The following SLC17A6 variants were observed in gnomAD, a reference collection of about 807,000 sequenced individuals.
SLC17A6 encodes vesicular glutamate transporter 2.
SLC17A6 carries 35 observed loss-of-function variants against 67.1 expected under a neutral mutation model. That is an observed-to-expected ratio of 0.52 (90% confidence interval 0.40 to 0.69). SLC17A6 has a LOEUF of 0.69. Ranked by LOEUF, SLC17A6 falls within the 30% of genes least tolerant of loss-of-function variation. The probability of loss-of-function intolerance (pLI) is 0.00; values close to 1 mark genes in which losing one functional copy is unlikely to be tolerated. For missense variants in SLC17A6, 588 were observed against 723.9 expected (o/e 0.81, Z 2.15); for synonymous variants, 285 against 252.3 (o/e 1.13, Z -1.23).
chr11:22,376,662 C>T lies in SLC17A6; in HGVS notation c.1403C>T (p.Thr468Ile). The T allele has an allele frequency of 6.2e-7, 1 of 1,613,614 alleles. No homozygotes were observed. The highest frequency in any genetic ancestry group is 1.1e-5 in the South Asian group (1 of 91,058). Residue 468 changes from threonine to isoleucine, a missense_variant, in exon 11 of 12, where the codon ACA becomes ATA. This residue lies in a region of SLC17A6 where 414 missense variants were observed against 563.4 expected (regional missense o/e 0.73). Transcript: ENST00000263160. Reference protein sequence around the residue: ...MVCPIIVGAMTKNKSREEWQY... With the variant: ...MVCPIIVGAMIKNKSREEWQY... ...TGTCCTATCATTGTTGGTGCAATGA[C>T]AAAGAATAAGGTAAGATGGTCAAAA...
At chr11:22,347,272 C>T (rs1855888276) in intron 3 of SLC17A6, among the ~76,000 whole-genome samples, 1 of 151,896 alleles carries the variant, frequency 6.6e-6, no homozygotes, top group Admixed American at 6.6e-5. Context: ...GATTTAGGCT[C>T]TAAAGCCAAA....
chr11:22,368,158 A>G (rs759541284), intron 7 of SLC17A6, among the ~76,000 whole-genome samples: 32 of 152,108 alleles, frequency 2.1e-4, no homozygotes, highest in African/African-American at 7.2e-4. Context: ...TCACTATCTC[A>G]GTACTACTAT....
intron 8 of SLC17A6, among the ~76,000 whole-genome samples, chr11:22,373,237 T>A (rs928015123): frequency 1.3e-5 from 2 of 152,204 alleles, no homozygotes; most frequent in African/African-American, 4.8e-5. Flanking sequence ...GTCGTTTATG[T>A]GGACTTAGGC....
rs528348599 is a variant in SLC17A6 at position 22,338,709 on chromosome 11, T to G, written c.86+90T>G. On this transcript the variant is annotated intron_variant, in intron 1 of 11. Coordinates refer to ENST00000263160, the MANE Select transcript of SLC17A6 (RefSeq NM_020346.3). ...GTAAACCCTGGTGGCTCAGAAAGAT[T>G]GTAATATGATCGGAAAGTCTTTTTG... 11 of 937,574 alleles carry G rather than the reference T, an allele frequency of 1.2e-5. No homozygotes were observed. The African/African-American group carries it at 1.3e-4, about 11-fold the overall frequency. The allele number at this position is 937,574 out of a possible 1,614,324, so 58.1% of individuals were successfully genotyped here. A position where few individuals can be genotyped will look rare whatever the true frequency, so the allele number is the denominator to read the frequency against.
intron 3 of SLC17A6, among the ~76,000 whole-genome samples, chr11:22,350,976 T>G (rs1855931386): frequency 6.6e-6 from 1 of 152,126 alleles, no homozygotes; most frequent in Non-Finnish European, 1.5e-5. Context: ...TGATATTATA[T>G]AAAACTTACT....
Position 22,378,643 on chromosome 11 carries a change from C to T in SLC17A6, c.*903C>T, listed in dbSNP as rs2133881721. 6.6e-6 allele frequency: 1 copy of T among 151,976 alleles called. No individual in the cohort carries two copies. The highest frequency in any genetic ancestry group is 1.9e-4 in the East Asian group (1 of 5,160). 9.4% of individuals were successfully genotyped at this position (151,976 alleles called of 1,614,324 possible). A position where few individuals can be genotyped will look rare whatever the true frequency, so the allele number is the denominator to read the frequency against. On this transcript the variant is annotated 3_prime_UTR_variant, in exon 12 of 12. Coordinates refer to ENST00000263160, the MANE Select transcript of SLC17A6 (RefSeq NM_020346.3). The stretch of plus-strand genomic sequence containing the variant: ...AGCCCTTAAAATGCAATATTAAGAA[C>T]AAAGAAATAGAAAATGGTTTAGATA...
rs1856268727 is a variant in SLC17A6 at position 22,379,157 on chromosome 11, A to C, written c.*1417A>C. 1 of 152,572 alleles carries C rather than the reference A, an allele frequency of 6.6e-6. No homozygotes were observed. The highest frequency in any genetic ancestry group is 2.1e-4 in the South Asian group (1 of 4,826). 9.5% of individuals were successfully genotyped at this position (152,572 alleles called of 1,614,324 possible). A position where few individuals can be genotyped will look rare whatever the true frequency, so the allele number is the denominator to read the frequency against. ...GAATAATTTTATTTTTCTTTTAAAA[A>C]AGCTAACATCAGACCCCTTTATAAT... On this transcript the variant is annotated 3_prime_UTR_variant, in exon 12 of 12. Transcript: ENST00000263160.
At chr11:22,373,597 T>C (rs1856197990) in intron 8 of SLC17A6, among the ~76,000 whole-genome samples, 1 of 152,216 alleles carries the variant, frequency 6.6e-6, no homozygotes, top group Non-Finnish European at 1.5e-5. Context: ...TTCCTTCTCA[T>C]GGCAGTGGTG....
chr11:22,352,804 T>A (rs1015828151), intron 3 of SLC17A6, among the ~76,000 whole-genome samples: 1 of 152,192 alleles, frequency 6.6e-6, no homozygotes, highest in Admixed American at 6.5e-5. Flanking sequence ...GGAAGGACAC[T>A]GAGACAGTTA....
chr11:22,373,923 C>T (rs1856201679), intron 8 of SLC17A6, among the ~76,000 whole-genome samples: 1 of 152,148 alleles, frequency 6.6e-6, no homozygotes, highest in Admixed American at 6.5e-5. Context: ...TACTTAAACA[C>T]AAATTATGAA....
rs1856250248 is a variant in SLC17A6, at chr11:22,377,940, A to C, written c.*200A>C. The C allele has an allele frequency of 1.9e-6, 1 of 536,542 alleles. No individual in the cohort carries two copies. Among genetic ancestry groups the C allele is most frequent in the East Asian group, 3.0e-5 (1 of 33,200 alleles). 33.2% of individuals were successfully genotyped at this position (536,542 alleles called of 1,614,324 possible). On this transcript the variant is annotated 3_prime_UTR_variant, in exon 12 of 12. Coordinates refer to ENST00000263160, the MANE Select transcript of SLC17A6 (RefSeq NM_020346.3). The stretch of plus-strand genomic sequence containing the variant: ...TGTGAAGTTCCATCATTTCCATTCA[A>C]GTCATCCATTCTTGCATTTGTGACT...
intron 3 of SLC17A6, among the ~76,000 whole-genome samples, chr11:22,351,185 C>T (rs1010007704): frequency 4.6e-5 from 7 of 151,950 alleles, no homozygotes; most frequent in Non-Finnish European, 1.0e-4. Context: ...TCACAAAATT[C>T]GTAATGTACA....
At chr11:22,361,150 T>A in intron 5 of SLC17A6, 166 bp downstream of exon 5, 1 of 538,590 alleles carries the variant, frequency 1.9e-6, no homozygotes, top group Non-Finnish European at 3.3e-6. Flanking sequence ...AGTTTTATTG[T>A]TTTGCTTAAA....
intron 3 of SLC17A6, among the ~76,000 whole-genome samples, chr11:22,346,839 T>A (rs1307849844): frequency 2.7e-5 from 4 of 148,326 alleles, no homozygotes; most frequent in Non-Finnish European, 3.0e-5. Flanking sequence ...TATATATAAA[T>A]ATATAAAATA....
intron 1 of SLC17A6, among the ~76,000 whole-genome samples, chr11:22,340,013 A>G (rs1307160264): frequency 6.6e-6 from 1 of 152,228 alleles, no homozygotes; most frequent in Non-Finnish European, 1.5e-5. Flanking sequence ...TAACCTAGCC[A>G]CAAATACCTT....
intron 3 of SLC17A6, among the ~76,000 whole-genome samples, chr11:22,344,223 T>C (rs1258288696): frequency 6.6e-6 from 1 of 152,210 alleles, no homozygotes; most frequent in Non-Finnish European, 1.5e-5. Flanking sequence ...TCTGCTTAGA[T>C]ACCGCAAATA....
At chr11:22,369,629 G>T (rs895171296) in intron 7 of SLC17A6, among the ~76,000 whole-genome samples, 7 of 151,620 alleles carry the variant, frequency 4.6e-5, no homozygotes, top group Admixed American at 1.3e-4. Flanking sequence ...GATTTTCAAC[G>T]TTTTAAATGA....
chr11:22,342,905 C>T, intron 2 of SLC17A6: 1 of 473,498 alleles, frequency 2.1e-6, no homozygotes, highest in Non-Finnish European at 4.2e-6. Flanking sequence ...CAGGCGTCTC[C>T]ACATCTGGCT....
intron 2 of SLC17A6, among the ~76,000 whole-genome samples, chr11:22,342,687 C>T (rs777264254): frequency 6.6e-6 from 1 of 152,174 alleles, no homozygotes; most frequent in African/African-American, 2.4e-5. Context: ...CTTTACTCCT[C>T]CCATTTCACC....
Sources: gnomAD v4.1 joint callset for allele counts (sites outside exome capture counted in the v4.1 genomes callset) on GRCh38, gnomAD v4.1.1 for gene constraint, gnomAD v4.1.1 regional missense constraint, MANE v1.5 for transcripts, NCBI Gene and HGNC (gene_info 2026-07-23, HGNC 2026-07-21) for gene names.